DMXL1: variants seen among roughly 807,000 people sequenced by gnomAD.
DMXL1 encodes the protein Dmx like 1.
In DMXL1, 99 loss-of-function variants were observed where a neutral mutation model predicts 319.2. The ratio of observed to expected loss-of-function variants is 0.31; its 90% CI spans 0.26 to 0.37. The LOEUF (loss-of-function observed/expected upper bound fraction) is 0.37. DMXL1 is among the 10% of genes least tolerant of loss of function. The pLI, the probability that DMXL1 is intolerant of heterozygous loss-of-function variation, is 1.00. For missense variants in DMXL1, 3,745 were observed against 3,595.6 expected (o/e 1.04, Z -1.06); for synonymous variants, 1,385 against 1,235.2 (o/e 1.12, Z -2.54).
intron 19 of DMXL1, among the ~76,000 whole-genome samples, chr5:119,153,942 G>A (rs574937833): frequency 3.0e-4 from 46 of 152,226 alleles, no homozygotes; most frequent in African/African-American, 1.1e-3. Flanking sequence ...TCTCATTTTG[G>A]TAATTCTCAC....
Position 119,149,402 on chromosome 5 carries a change from T to G in DMXL1, c.3575T>G (p.Val1192Gly), listed in dbSNP as rs1021055321. The change falls in exon 18 of 44, where the codon GTG becomes GGG. Residue 1192 changes from valine to glycine, a missense_variant. This residue lies in a region of DMXL1 where 2,096 missense variants were observed against 1,985.4 expected (regional missense o/e 1.06). Coordinates refer to ENST00000539542, the MANE Select transcript of DMXL1 (RefSeq NM_001290321.3). ...AFPLWESTKV[V>G]PLSKFVLLRS... is the part of the protein sequence containing the mutation. ...CCTCTCTGGGAGAGTACCAAAGTTG[T>G]GCCCCTTTCTAAATTTGTACTATTA... The G allele has an allele frequency of 6.8e-6, 11 of 1,613,848 alleles. No individual in the cohort carries two copies. Among genetic ancestry groups the G allele is most frequent in the Non-Finnish European group, 8.5e-6 (10 of 1,179,902 alleles).
intron 31 of DMXL1, 59 bp downstream of exon 31, chr5:119,196,515 GTTT>G (rs537016412): frequency 0.011 from 5,857 of 550,686 alleles, no homozygotes; most frequent in Middle Eastern, 0.012. Context: ...CTACTCTGTT[GTTT>G]TTTTTTTTTT....
At chr5:119,136,266 T>C (rs1438953895) in intron 13 of DMXL1, among the ~76,000 whole-genome samples, 2 of 152,236 alleles carry the variant, frequency 1.3e-5, no homozygotes, top group Non-Finnish European at 2.9e-5. Context: ...CAGCAAAGCA[T>C]TCAAGAGGTC....
intron 13 of DMXL1, among the ~76,000 whole-genome samples, chr5:119,139,435 A>G (rs1766780371): frequency 6.6e-6 from 1 of 152,206 alleles, no homozygotes; most frequent in Non-Finnish European, 1.5e-5. Context: ...AGAAAAATCT[A>G]CCAAGTAAAT....
rs912563382 is a variant in DMXL1, at chr5:119,140,819, G to T, written c.2377-3022G>T. Among the ~76,000 whole-genome samples the T allele has an allele frequency of 2.0e-5, 3 of 152,052 alleles. 1 individual carries two copies. In the South Asian group the frequency reaches 6.2e-4, roughly 32 times the overall value. On this transcript the variant is annotated intron_variant, in intron 13 of 43. Coordinates refer to ENST00000539542, the MANE Select transcript of DMXL1 (RefSeq NM_001290321.3). ...ACACACACACAAAAAGAAAACTTTA[G>T]CCCAATATCCTCTATGAATATCAAT...
intron 38 of DMXL1, among the ~76,000 whole-genome samples, chr5:119,230,189 A>T (rs1786414369): frequency 6.6e-6 from 1 of 152,184 alleles, no homozygotes; most frequent in African/African-American, 2.4e-5. Flanking sequence ...AGTGTATTTG[A>T]CTAGTAAGCC....
chr5:119,094,611 T>C (rs1257920950), intron 1 of DMXL1, among the ~76,000 whole-genome samples: 4 of 152,212 alleles, frequency 2.6e-5, no homozygotes, highest in Admixed American at 6.5e-5. Context: ...AAGAAAGTTA[T>C]TTCATAAGGC....
chr5:119,094,301 A>G (rs570327253), intron 1 of DMXL1, among the ~76,000 whole-genome samples: 32 of 152,342 alleles, frequency 2.1e-4, no homozygotes, highest in Admixed American at 1.8e-3. Flanking sequence ...CATGCCGAGA[A>G]TCCTAGAGTC....
At chr5:119,075,733 AAAC>A (rs924782910) in intron 1 of DMXL1, among the ~76,000 whole-genome samples, 4 of 151,696 alleles carry the variant, frequency 2.6e-5, no homozygotes, top group Admixed American at 1.3e-4. Flanking sequence ...TTTAAAAAAA[AAAC>A]AAAAAAAAAT....
At chr5:119,172,962 G>C (rs1215123472) in intron 25 of DMXL1, among the ~76,000 whole-genome samples, 1 of 152,210 alleles carries the variant, frequency 6.6e-6, no homozygotes, top group South Asian at 2.1e-4. Context: ...CTTTCAGATT[G>C]TGCTCATTTT....
intron 38 of DMXL1, among the ~76,000 whole-genome samples, chr5:119,232,671 T>C (rs902835716): frequency 7.9e-5 from 12 of 152,124 alleles, no homozygotes; most frequent in Admixed American, 2.0e-4. Flanking sequence ...ATTTATCTTA[T>C]TCATATTTCT....
At chr5:119,214,710 A>G (rs149434571) in intron 34 of DMXL1, among the ~76,000 whole-genome samples, 2 of 152,306 alleles carry the variant, frequency 1.3e-5, no homozygotes, top group Admixed American at 1.3e-4. Context: ...ATTCTTATTC[A>G]GGTTATCTTG....
intron 4 of DMXL1, among the ~76,000 whole-genome samples, chr5:119,105,770 G>T (rs910020924): frequency 1.3e-5 from 2 of 152,060 alleles, no homozygotes; most frequent in South Asian, 4.1e-4. Flanking sequence ...AGTGGCGCAT[G>T]CCTGTAATCC....
chr5:119,191,435 C>G (rs1183187505), intron 29 of DMXL1, among the ~76,000 whole-genome samples: 1 of 152,194 alleles, frequency 6.6e-6, no homozygotes, highest in Non-Finnish European at 1.5e-5. Context: ...TTGTTCCTCA[C>G]TGCCCTTTTT....
intron 5 of DMXL1, among the ~76,000 whole-genome samples, chr5:119,113,822 A>G (rs1441479938): frequency 6.6e-6 from 1 of 152,234 alleles, no homozygotes; most frequent in East Asian, 1.9e-4. Flanking sequence ...ATGTGACAGA[A>G]TTCCTCTTTG....
rs761692139 is a variant in DMXL1, at chr5:119,148,800, A to C, written c.2973A>C (p.Ser991=). 6.2e-7 allele frequency: 1 copy of C among 1,613,566 alleles called. No homozygotes were observed. The highest frequency in any genetic ancestry group is 1.3e-5 in the African/African-American group (1 of 74,898). ...GTGCTCCTTATTTATTGGCAACTTC[A>C]TGTTCAGATGAGAAAGTAAGATTCT... ...ACSAPYLLAT[S]CSDEKVRFWR... Residue 991 remains serine, a synonymous_variant, in exon 18 of 44, where the codon TCA becomes TCC. Transcript: ENST00000539542.
At chr5:119,173,014 C>T (rs552804589) in intron 25 of DMXL1, among the ~76,000 whole-genome samples, 1 of 152,110 alleles carries the variant, frequency 6.6e-6, no homozygotes, top group East Asian at 1.9e-4. Context: ...TATAGCATAC[C>T]TGTGGTGTAT....
At chr5:119,202,893 A>ATATATATATATATTTATATATT (rs1781055320) in intron 32 of DMXL1, among the ~76,000 whole-genome samples, 1 of 139,436 alleles carries the variant, frequency 7.2e-6, no homozygotes, top group African/African-American at 2.6e-5. Context: ...TTTTATATAT[A>ATATATATATATATTTATATATT]TATATATATA....
intron 19 of DMXL1, among the ~76,000 whole-genome samples, chr5:119,162,014 G>C (rs1404563964): frequency 1.3e-5 from 2 of 152,156 alleles, no homozygotes; most frequent in Admixed American, 6.5e-5. Context: ...TGTTTCCCTT[G>C]AGGTGAGACC....
Sources: gnomAD v4.1 joint callset for allele counts (sites outside exome capture counted in the v4.1 genomes callset) on GRCh38, gnomAD v4.1.1 for gene constraint, gnomAD v4.1.1 regional missense constraint, MANE v1.5 for transcripts, NCBI Gene and HGNC (gene_info 2026-07-23, HGNC 2026-07-21) for gene names.